The following AFAP1L2 variants were observed in gnomAD, a reference collection of about 807,000 sequenced individuals.
AFAP1L2 encodes actin filament-associated protein 1-like 2.
AFAP1L2 carries 46 observed loss-of-function variants against 99.3 expected under a neutral mutation model. The observed-to-expected ratio is 0.46, with a 90% CI of 0.37 to 0.59. The LOEUF (loss-of-function observed/expected upper bound fraction) is 0.59. Ranked by LOEUF, AFAP1L2 falls within the 20% of genes least tolerant of loss-of-function variation. The pLI, the probability that AFAP1L2 is intolerant of heterozygous loss-of-function variation, is 0.00. For missense variants in AFAP1L2, 959 were observed against 1,034.9 expected, an observed-to-expected ratio of 0.93 and a Z score of 1.01; for synonymous variants, 397 against 419.1, an observed-to-expected ratio of 0.95 and a Z score of 0.64.
chr10:114,395,953 C>T (rs1399288533), intron 1 of AFAP1L2, among the ~76,000 whole-genome samples: 2 of 152,214 alleles, frequency 1.3e-5, no homozygotes, highest in East Asian at 1.9e-4. Context: ...GCCTCTCTAA[C>T]ATCAATGCTT....
At chr10:114,371,179 T>G (rs1379156425) in intron 1 of AFAP1L2, among the ~76,000 whole-genome samples, 1 of 152,182 alleles carries the variant, frequency 6.6e-6, no homozygotes, top group Non-Finnish European at 1.5e-5. Context: ...TCATCTCTCC[T>G]CATCAGCTGC....
chr10:114,315,152 C>T (rs1564840250), intron 6 of AFAP1L2, among the ~76,000 whole-genome samples: 1 of 151,994 alleles, frequency 6.6e-6, no homozygotes, highest in Non-Finnish European at 1.5e-5. Flanking sequence ...AAAACAACAA[C>T]AAACAAACAA....
chr10:114,399,480 A>G (rs2058045437), intron 1 of AFAP1L2, among the ~76,000 whole-genome samples: 1 of 152,120 alleles, frequency 6.6e-6, no homozygotes, highest in Admixed American at 6.5e-5. Flanking sequence ...TCCTAAATAA[A>G]TCCTTGAAAA....
At chr10:114,337,718 A>G (rs1462393795) in intron 2 of AFAP1L2, among the ~76,000 whole-genome samples, 1 of 152,234 alleles carries the variant, frequency 6.6e-6, no homozygotes, top group Non-Finnish European at 1.5e-5. Flanking sequence ...GCGCTGCCAG[A>G]GTGGTTAGCA....
chr10:114,353,519 C>A (rs2050855831), intron 1 of AFAP1L2, among the ~76,000 whole-genome samples: 1 of 152,118 alleles, frequency 6.6e-6, no homozygotes, highest in Non-Finnish European at 1.5e-5. Flanking sequence ...ATTACCATCC[C>A]CAGATTTGAA....
downstream of AFAP1L2, chr10:114,291,217 G>T: frequency 6.4e-7 from 1 of 1,550,574 alleles, no homozygotes; most frequent in Non-Finnish European, 8.7e-7. Context: ...TCCTTCCCCA[G>T]GATTCTTGAG....
chr10:114,283,448 T>C, the AFAP1L2 span, among the ~76,000 whole-genome samples: 1,033 of 152,270 alleles, frequency 6.8e-3, 11 homozygotes, highest in African/African-American at 0.024. Context: ...CCCTTCAGTA[T>C]GTTCACAAGG....
At chr10:114,331,974 G>A (rs755855136) in intron 3 of AFAP1L2, 77 bp from the exon 4 acceptor site, 285 of 933,972 alleles carry the variant, frequency 3.1e-4, no homozygotes, top group Non-Finnish European at 3.8e-4. Flanking sequence ...AGGAATGCCC[G>A]GTCACATGCA....
chr10:114,331,845 C>T lies in AFAP1L2; in HGVS notation c.273G>A (p.Ser91=), dbSNP rs186845699. 14 of 1,393,340 alleles carry T rather than the reference C, an allele frequency of 1.0e-5. No homozygotes were observed. The highest frequency in any genetic ancestry group is 6.2e-5 in the Admixed American group (2 of 32,230). 86.3% of individuals were successfully genotyped at this position (1,393,340 alleles called of 1,614,324 possible). The change falls in exon 4 of 19, where the codon TCG becomes TCA. Residue 91 remains serine, a synonymous_variant. Transcript: ENST00000304129. ...GGTCTGGAAGGCTCTTCTGAGGGGC[C>T]GAGGAGTGCTGGCTGGGCTCCCCAT... ...LPNGEPSQHS[S]APQKSLPDLP...
Position 114,342,329 on chromosome 10 carries a change from G to A in AFAP1L2, c.17-1598C>T, listed in dbSNP as rs78002221. Reference sequence around the variant, plus strand: ...CTAGCTATCCGCTGTAACACCTCAGGTCTTGGTCTAGATAACATTCCTCCT... The same window carrying A: ...CTAGCTATCCGCTGTAACACCTCAGATCTTGGTCTAGATAACATTCCTCCT... On this transcript the variant is annotated intron_variant, in intron 1 of 18. Coordinates refer to ENST00000304129, the MANE Select transcript of AFAP1L2 (RefSeq NM_001001936.3). Among the ~76,000 whole-genome samples, 1,456 of 152,272 alleles carry A rather than the reference G, an allele frequency of 9.6e-3. 24 individuals are homozygous for A. Among genetic ancestry groups the A allele is most frequent in the African/African-American group, 0.033 (1,378 of 41,560 alleles).
At chr10:114,331,672 C>T in intron 4 of AFAP1L2, 131 bp downstream of exon 4, 1 of 595,760 alleles carries the variant, frequency 1.7e-6, no homozygotes, top group East Asian at 3.5e-5. Context: ...CTACACGTGC[C>T]TTGTCCCAGT....
At chr10:114,335,338 CA>C (rs2047785978) in intron 2 of AFAP1L2, among the ~76,000 whole-genome samples, 1 of 152,010 alleles carries the variant, frequency 6.6e-6, no homozygotes, top group African/African-American at 2.4e-5. Flanking sequence ...TATGGCCGGG[CA>C]CGGTGGCTCA....
chr10:114,307,559 A>G (rs1478753608), intron 10 of AFAP1L2, among the ~76,000 whole-genome samples: 1 of 152,004 alleles, frequency 6.6e-6, no homozygotes, highest in Non-Finnish European at 1.5e-5. Context: ...GAATACTAGG[A>G]GGACACCAAT....
intron 1 of AFAP1L2, among the ~76,000 whole-genome samples, chr10:114,371,375 G>T (rs964940763): frequency 2.6e-5 from 4 of 152,166 alleles, no homozygotes; most frequent in Non-Finnish European, 5.9e-5. Context: ...ATCAGGGAAG[G>T]AAAGCCTTTG....
At chr10:114,404,104 G>C (rs1011498845) in intron 1 of AFAP1L2, among the ~76,000 whole-genome samples, 3 of 152,164 alleles carry the variant, frequency 2.0e-5, no homozygotes, top group Non-Finnish European at 4.4e-5. Flanking sequence ...TCGGCCCCAG[G>C]CATCTTTCCT....
In AFAP1L2 at chr10:114,376,591, A is replaced by AT. The variant is rs2054832545; in HGVS notation, c.16+27848dup. ...TCCAGCAATTACCTAACTCAAAAGA[A>AT]TCTACAATCACTGCTCCACTTGGAG... On this transcript the variant is annotated intron_variant, in intron 1 of 18. Coordinates refer to ENST00000304129, the MANE Select transcript of AFAP1L2 (RefSeq NM_001001936.3). 3.9e-5 allele frequency among the ~76,000 whole-genome samples: 6 copies of AT among 152,292 alleles called. 1 individual carries two copies. The highest frequency in any genetic ancestry group is 2.1e-4 in the South Asian group (1 of 4,820).
chr10:114,325,986 T>A (rs1375553567), intron 4 of AFAP1L2: 1 of 1,288,498 alleles, frequency 7.8e-7, no homozygotes, highest in East Asian at 5.6e-5. Flanking sequence ...GTCAGGTGGG[T>A]CCCATCTGGA....
At chr10:114,363,260 G>A (rs1355393758) in intron 1 of AFAP1L2, 9 of 830,196 alleles carry the variant, frequency 1.1e-5, no homozygotes, top group Admixed American at 6.2e-5. Flanking sequence ...TGAGCCCACC[G>A]GCTTCTTTAC....
the AFAP1L2 span, chr10:114,289,724 CTT>C: frequency 1.7e-6 from 1 of 573,846 alleles, no homozygotes; most frequent in African/African-American, 1.9e-5. Flanking sequence ...TCCCCCCAAA[CTT>C]GAGAATTTAT....
Sources: gnomAD v4.1 joint callset for allele counts (sites outside exome capture counted in the v4.1 genomes callset) on GRCh38, gnomAD v4.1.1 for gene constraint, MANE v1.5 for transcripts, NCBI Gene and HGNC (gene_info 2026-07-23, HGNC 2026-07-21) for gene names.